SLC27A4: variants seen among roughly 807,000 people sequenced by gnomAD.
SLC27A4 encodes long-chain fatty acid transport protein 4.
A neutral mutation model predicts 64.4 loss-of-function variants in SLC27A4; 33 were observed. That is an observed-to-expected ratio of 0.51 (90% CI 0.39 to 0.68). SLC27A4 has a LOEUF of 0.68. Among genes scored for constraint, SLC27A4 ranks in the 30% least tolerant of loss-of-function variants. SLC27A4 has a pLI of 0.00. For synonymous variants in SLC27A4, 377 were observed against 370.0 expected (o/e 1.02, Z -0.22); for missense variants, 824 against 883.5 (o/e 0.93, Z 0.85).
At chr9:128,358,935 C>T (rs899745219) in intron 12 of SLC27A4, among the ~76,000 whole-genome samples, 5 of 152,200 alleles carry the variant, frequency 3.3e-5, no homozygotes, top group African/African-American at 4.8e-5. Context: ...CTAGACTCAC[C>T]CAGAACTCCT....
rs371286881 is a variant in SLC27A4, at chr9:128,353,787, A to G, written c.1324+246A>G. The stretch of plus-strand genomic sequence containing the variant: ...GAGACGGAGTCTCGCTCTGTCGCCC[A>G]GGCTGGAGTGCAGTGGCGGGATCTC... On this transcript the variant is annotated intron_variant, in intron 9 of 12. Transcript: ENST00000300456. The surrounding 1 kb of genome is among the most constrained non-coding windows in gnomAD (Gnocchi z 4.9). Among the ~76,000 whole-genome samples the G allele has an allele frequency of 0.092, 10,415 of 113,550 alleles. 13 individuals carry two copies. The highest frequency in any genetic ancestry group is 0.33 in the African/African-American group (6,400 of 19,394). 74.5% of individuals were successfully genotyped at this position (113,550 alleles called of 152,430 possible). A position where few individuals can be genotyped will look rare whatever the true frequency, so the allele number is the denominator to read the frequency against.
In SLC27A4 at chr9:128,345,104, C is replaced by G. The variant is rs375873026; in HGVS notation, c.162-51C>G. On this transcript the variant is annotated intron_variant, in intron 2 of 12. Coordinates refer to ENST00000300456, the MANE Select transcript of SLC27A4 (RefSeq NM_005094.4). This position sits in a 1 kb window ranked among gnomAD's most constrained non-coding sequence, Gnocchi z 4.1. ...GCAGCCTGGGGTAGGGTGTCAGGAC[C>G]CCTCCCTCCCAACCATGGCAGACAC... The G allele has an allele frequency of 3.7e-6, 6 of 1,609,774 alleles. No homozygotes were observed. The African/African-American group carries it at 6.7e-5, about 18-fold the overall frequency.
intron 1 of SLC27A4, 64 bp downstream of exon 1, chr9:128,340,902 G>A: frequency 1.9e-6 from 1 of 540,218 alleles, no homozygotes; most frequent in Non-Finnish European, 3.4e-6. Flanking sequence ...GTCGGGCGAG[G>A]TGGCGGTGCG....
chr9:128,360,871 C>G lies in SLC27A4; in HGVS notation c.*380C>G, dbSNP rs1310621677. 1 of 293,490 alleles carries G rather than the reference C, an allele frequency of 3.4e-6. No individual in the cohort carries two copies. The highest frequency in any genetic ancestry group is 2.2e-5 in the African/African-American group (1 of 45,850). 18.2% of individuals were successfully genotyped at this position (293,490 alleles called of 1,614,324 possible). A position where few individuals can be genotyped will look rare whatever the true frequency, so the allele number is the denominator to read the frequency against. On this transcript the variant is annotated 3_prime_UTR_variant, in exon 13 of 13. Transcript: ENST00000300456. ...GAAGTCCCCAGACTCAGGAAGTCAA[C>G]AGAGTGGGCAGGGACAGTGGTAGCA... is the stretch of plus-strand genomic sequence containing the variant.
At chr9:128,351,850 T>G (rs1832741435) in intron 6 of SLC27A4, among the ~76,000 whole-genome samples, 1 of 151,188 alleles carries the variant, frequency 6.6e-6, no homozygotes, top group Admixed American at 6.6e-5. Context: ...CCTGGGAGTT[T>G]AAGGCCAGCC....
chr9:128,358,715 G>A (rs1034081035), intron 12 of SLC27A4, among the ~76,000 whole-genome samples: 34 of 152,194 alleles, frequency 2.2e-4, no homozygotes, highest in African/African-American at 7.7e-4. Flanking sequence ...CCAAAGTGCC[G>A]GGATTACAGG....
At chr9:128,352,346 C>T (rs1382637920) in intron 6 of SLC27A4, among the ~76,000 whole-genome samples, 2 of 152,150 alleles carry the variant, frequency 1.3e-5, no homozygotes, top group Non-Finnish European at 2.9e-5. Context: ...TTTGTAGGGG[C>T]TTAAGGGAAG....
rs143662747 is a variant in SLC27A4 at position 128,343,310 on chromosome 9, G to A, written c.161+17G>A. 1 of 1,614,028 alleles carries A rather than the reference G, an allele frequency of 6.2e-7. No homozygotes were observed. ...CGATATCTTGTGAGTACCTGGCCCA[G>A]CCTTTCCTGGGGTCTGCCACACTAC... On this transcript the variant is annotated intron_variant, in intron 2 of 12. Coordinates refer to ENST00000300456, the MANE Select transcript of SLC27A4 (RefSeq NM_005094.4).
rs1832556266 is a variant in SLC27A4, at chr9:128,340,695, G to C, written c.-150G>C. The stretch of plus-strand genomic sequence containing the variant: ...GGCGGGCGGGGCTGGCGGGGCGGCC[G>C]GGCCATGCAGGGCGCAGAGCCGGCT... On this transcript the variant is annotated 5_prime_UTR_variant, in exon 1 of 13. Coordinates refer to ENST00000300456, the MANE Select transcript of SLC27A4 (RefSeq NM_005094.4). 5 of 413,710 alleles carry C rather than the reference G, an allele frequency of 1.2e-5. No homozygotes were observed. The South Asian group carries it at 3.5e-4, about 29-fold the overall frequency. The allele number at this position is 413,710 out of a possible 1,614,324, so 25.6% of individuals were successfully genotyped here. A position where few individuals can be genotyped will look rare whatever the true frequency, so the allele number is the denominator to read the frequency against.
intron 4 of SLC27A4, among the ~76,000 whole-genome samples, chr9:128,349,062 G>A (rs1832698284): frequency 6.6e-6 from 1 of 151,814 alleles, no homozygotes; most frequent in Non-Finnish European, 1.5e-5. Context: ...GAGGGTGGGT[G>A]AGGAGCAAGA....
At chr9:128,352,768 T>C in intron 7 of SLC27A4, 21 bp downstream of exon 7, 2 of 1,558,010 alleles carry the variant, frequency 1.3e-6, no homozygotes, top group East Asian at 4.5e-5. Flanking sequence ...GCGGGAAGGG[T>C]GAGCTGTCCC....
chr9:128,350,215 A>C, intron 4 of SLC27A4, 97 bp from the exon 5 acceptor site: 1 of 916,510 alleles, frequency 1.1e-6, no homozygotes, highest in African/African-American at 1.6e-5. Flanking sequence ...TGATGGGAAC[A>C]GGTGTTGAAG....
At chr9:128,342,014 G>C in intron 1 of SLC27A4, 1 of 491,290 alleles carries the variant, frequency 2.0e-6, no homozygotes, top group Non-Finnish European at 3.8e-6. Context: ...TGGGATTACA[G>C]GTGTGAGCCA....
chr9:128,346,314 A>C (rs535174581), intron 3 of SLC27A4, among the ~76,000 whole-genome samples: 2 of 150,862 alleles, frequency 1.3e-5, no homozygotes, highest in Non-Finnish European at 3.0e-5. Flanking sequence ...GCTCACTGCA[A>C]CCTCCACCTC....
chr9:128,345,053 C>G lies in SLC27A4; in HGVS notation c.162-102C>G. The G allele has an allele frequency of 6.9e-7, 1 of 1,446,858 alleles. No individual in the cohort carries two copies. Among genetic ancestry groups the G allele is most frequent in the East Asian group, 2.3e-5 (1 of 43,266 alleles). The allele number at this position is 1,446,858 out of a possible 1,614,324, so 89.6% of individuals were successfully genotyped here. On this transcript the variant is annotated intron_variant, in intron 2 of 12. Transcript: ENST00000300456. The surrounding 1 kb of genome is among the most constrained non-coding windows in gnomAD (Gnocchi z 4.1). ...GATAGAAGTGTTGTAGGGGGTCTGG[C>G]TCATGAAGCATAGGCTGGCGAGGCA...
intron 1 of SLC27A4, chr9:128,342,873 A>G (rs148950323): frequency 1.3e-4 from 73 of 569,092 alleles, no homozygotes; most frequent in African/African-American, 1.1e-3. Context: ...GTGGGCAGAG[A>G]TGGGACTATG....
intron 3 of SLC27A4, among the ~76,000 whole-genome samples, chr9:128,348,301 G>A (rs1011474064): frequency 2.0e-5 from 3 of 152,204 alleles, no homozygotes; most frequent in Non-Finnish European, 4.4e-5. Context: ...GGCTGTCAAT[G>A]GTCCCTCCTT....
chr9:128,352,590 G>T (rs756005152), intron 6 of SLC27A4, 48 bp from the exon 7 acceptor site: 1 of 1,443,630 alleles, frequency 6.9e-7, no homozygotes, highest in South Asian at 1.2e-5. Context: ...TGGGGCCGGG[G>T]AGGGTCTTCA....
Position 128,350,305 on chromosome 9 carries a change from T to C in SLC27A4, c.716-7T>C, listed in dbSNP as rs541151428. On this transcript the variant is annotated splice_region_variant and splice_polypyrimidine_tract_variant and intron_variant, in intron 4 of 12. Transcript: ENST00000300456. ...CCCCGACAGCCACTCGCGTCTGTTT[T>C]CTTTAGATAAACTGTTCTACATCTA... The C allele has an allele frequency of 6.2e-7, 1 of 1,612,526 alleles. No individual in the cohort carries two copies. The highest frequency in any genetic ancestry group is 8.5e-7 in the Non-Finnish European group (1 of 1,179,946).
Sources: allele counts gnomAD v4.1 joint callset (sites outside exome capture counted in the v4.1 genomes callset), GRCh38; gene constraint gnomAD v4.1.1; non-coding constraint Gnocchi (gnomAD v3.1); transcripts MANE v1.5; gene names NCBI Gene and HGNC (gene_info 2026-07-23, HGNC 2026-07-21).